RBCK1: variants seen among roughly 807,000 people sequenced by gnomAD.
RBCK1 encodes the protein ranBP-type and C3HC4-type zinc finger-containing protein 1.
A neutral mutation model predicts 71.1 loss-of-function variants in RBCK1; 44 were observed. The observed-to-expected ratio is 0.62, with a 90% CI of 0.49 to 0.80. The LOEUF is 0.80. RBCK1 is among the 30% of genes least tolerant of loss of function. The pLI is 0.00. For missense variants in RBCK1, 569 were observed against 685.0 expected (o/e 0.83, Z 1.89); for synonymous variants, 306 against 279.7 (o/e 1.09, Z -0.94).
At chr20:423,737 T>C (rs578035608) in intron 8 of RBCK1, among the ~76,000 whole-genome samples, 41 of 152,306 alleles carry the variant, frequency 2.7e-4, no homozygotes, top group Non-Finnish European at 5.3e-4. Flanking sequence ...TACCGAGGGA[T>C]GACTATAATT....
At position 431,422 on chromosome 20, in the gene RBCK1, T is replaced by A. The variant is rs2017011257; in HGVS notation, c.*992T>A. On this transcript the variant is annotated 3_prime_UTR_variant, in exon 12 of 12. Coordinates refer to ENST00000356286, the MANE Select transcript of RBCK1 (RefSeq NM_031229.4). The surrounding 1 kb of genome is among the most constrained non-coding windows in gnomAD (Gnocchi z 4.8). ...TTCAGCAGTATTTACTAGAACCCACTCTGTGCTGGTCGGAGGTTACTAAGA... is the reference window on the plus strand; with the variant it reads ...TTCAGCAGTATTTACTAGAACCCACACTGTGCTGGTCGGAGGTTACTAAGA... Among the ~76,000 whole-genome samples the A allele has an allele frequency of 6.6e-6, 1 of 152,192 alleles. No homozygotes were observed. Among genetic ancestry groups the A allele is most frequent in the Admixed American group, 6.5e-5 (1 of 15,286 alleles).
chr20:429,645 G>A lies in RBCK1; in HGVS notation c.1452+551G>A, dbSNP rs570820620. Reference sequence around the variant, plus strand: ...AGGTAAAGTGCTTTGGAGCACAGCCGTGTTCATTCATTCACATGTTGGCTG... The same window carrying A: ...AGGTAAAGTGCTTTGGAGCACAGCCATGTTCATTCATTCACATGTTGGCTG... On this transcript the variant is annotated intron_variant, in intron 11 of 11. Coordinates refer to ENST00000356286, the MANE Select transcript of RBCK1 (RefSeq NM_031229.4). 5.3e-5 allele frequency among the ~76,000 whole-genome samples: 8 copies of A among 152,326 alleles called. No homozygotes were observed. The South Asian group carries it at 8.3e-4, about 16-fold the overall frequency.
chr20:417,825 G>A lies in RBCK1; in HGVS notation c.355G>A (p.Val119Met). The A allele has an allele frequency of 2.5e-6, 4 of 1,614,062 alleles. No individual in the cohort carries two copies. Among genetic ancestry groups the A allele is most frequent in the Non-Finnish European group, 3.4e-6 (4 of 1,179,998 alleles). ...RDQETLHSHG[V>M]RQNGDSAYLY... ...CCAGGAGACCCTGCACTCCCATGGG[G>A]TGCGGCAGAATGGGGACAGTGCCTA... is the stretch of plus-strand genomic sequence containing the variant. Residue 119 changes from valine (V) to methionine (M), a missense_variant, in exon 4 of 12, where the codon GTG (valine) becomes ATG (methionine). Transcript: ENST00000356286. The surrounding 1 kb of genome is among the most constrained non-coding windows in gnomAD (Gnocchi z 4.7).
chr20:414,090 A>AT (rs1203708775), intron 2 of RBCK1, among the ~76,000 whole-genome samples: 1 of 121,134 alleles, frequency 8.3e-6, no homozygotes, highest in Non-Finnish European at 2.0e-5. Context: ...TGTGGTTCAT[A>AT]CAAAAAAAAA....
chr20:430,613 A>G lies in RBCK1; in HGVS notation c.*183A>G, dbSNP rs2016971310. 3.1e-6 allele frequency: 2 copies of G among 638,256 alleles called. No individual in the cohort carries two copies. Among genetic ancestry groups the G allele is most frequent in the Non-Finnish European group, 5.5e-6 (2 of 362,502 alleles). 39.5% of individuals were successfully genotyped at this position (638,256 alleles called of 1,614,324 possible). ...GTCCTTCCCTTGGGGCTTGCCGGCC[A>G]GACTTCTCTCCCCTGCGGCTCCCAC... is the stretch of plus-strand genomic sequence containing the variant. On this transcript the variant is annotated 3_prime_UTR_variant, in exon 12 of 12. Transcript: ENST00000356286. This position sits in a 1 kb window ranked among gnomAD's most constrained non-coding sequence, Gnocchi z 5.6.
chr20:419,672 G>A lies in RBCK1; in HGVS notation c.697G>A (p.Asp233Asn), dbSNP rs1056596650. The A allele has an allele frequency of 3.2e-6, 5 of 1,580,820 alleles. No individual in the cohort carries two copies. Among genetic ancestry groups the A allele is most frequent in the Admixed American group, 1.8e-5 (1 of 56,080 alleles). ...CCAGGTCCCCGCCTCATACCAGCCC[G>A]ACGAGGAGGAGCGAGCGCGCCTGGC... ...AYQVPASYQPDEEERARLAGE... is the reference protein window; with the variant it reads ...AYQVPASYQPNEEERARLAGE... Residue 233 changes from aspartate to asparagine, a missense_variant, in exon 6 of 12, where the codon GAC becomes AAC. Coordinates refer to ENST00000356286, the MANE Select transcript of RBCK1 (RefSeq NM_031229.4).
At chr20:420,635 A>T (rs1365569521) in intron 6 of RBCK1, 1 of 801,164 alleles carries the variant, frequency 1.2e-6, no homozygotes, top group Non-Finnish European at 1.4e-6. Flanking sequence ...CCTCACTCCC[A>T]GCCCCGCCCC....
chr20:430,836 A>C lies in RBCK1; in HGVS notation c.*406A>C. On this transcript the variant is annotated 3_prime_UTR_variant, in exon 12 of 12. Transcript: ENST00000356286. This position sits in a 1 kb window ranked among gnomAD's most constrained non-coding sequence, Gnocchi z 5.6. The stretch of plus-strand genomic sequence containing the variant: ...GGTTGGAGGCCTGAGGCCTCTTGGA[A>C]CTCTTGCTAACCTGTTCAGAGCCAG... The C allele has an allele frequency of 4.6e-6, 1 of 219,556 alleles. No individual in the cohort carries two copies. The highest frequency in any genetic ancestry group is 9.2e-6 in the Non-Finnish European group (1 of 108,754). 13.6% of individuals were successfully genotyped at this position (219,556 alleles called of 1,614,324 possible).
At position 417,544 on chromosome 20, in the gene RBCK1, G is replaced by A. The variant is rs2016069273; in HGVS notation, c.186G>A (p.Glu62=). The A allele has an allele frequency of 1.9e-6, 3 of 1,613,580 alleles. No homozygotes were observed. Among genetic ancestry groups the A allele is most frequent in the East Asian group, 2.2e-5 (1 of 44,902 alleles). The change falls in exon 3 of 12, where the codon GAG becomes GAA. Residue 62 remains glutamate (E), a synonymous_variant. Transcript: ENST00000356286. This position sits in a 1 kb window ranked among gnomAD's most constrained non-coding sequence, Gnocchi z 4.7. ...TCTGCAGGCTGTGGGTGAGCGTGGA[G>A]GATGCTCAGATGCACACCGTCACCA... ...TQDIRLWVSV[E]DAQMHTVTIW... is the part of the protein sequence containing the mutation.
Position 421,034 on chromosome 20 carries a change from G to A in RBCK1, c.917+3G>A, listed in dbSNP as rs1404922024. The A allele has an allele frequency of 1.3e-6, 2 of 1,543,858 alleles. No individual in the cohort carries two copies. The highest frequency in any genetic ancestry group is 1.2e-5 in the South Asian group (1 of 84,188). On this transcript the variant is annotated splice_donor_region_variant and intron_variant, in intron 7 of 11. Coordinates refer to ENST00000356286, the MANE Select transcript of RBCK1 (RefSeq NM_031229.4). ...GAGTGTCTGCACACCTTCTGCAGGT[G>A]CGGCCCCCAGTCCCACCCCCGGCAA...
chr20:426,804 ACTTTT>A (rs1186156054), intron 8 of RBCK1, among the ~76,000 whole-genome samples: 1 of 68,068 alleles, frequency 1.5e-5, no homozygotes, highest in Non-Finnish European at 3.5e-5. Flanking sequence ...CTTTCTTTTT[ACTTTT>A]CTTTTCCTTT....
At chr20:420,825 CCCCCGAGGCCCTGACCCG>C (rs2016372860) in intron 6 of RBCK1, 28 bp from the exon 7 acceptor site, 1 of 1,519,052 alleles carries the variant, frequency 6.6e-7, no homozygotes, top group South Asian at 1.2e-5. Context: ...GTCTGACCCG[CCCCCGAGGCCCTGACCCG>C]CCCCGTGGCC....
Position 427,495 on chromosome 20 carries a change from G to C in RBCK1, c.1209+3G>C, listed in dbSNP as rs755142186. 19 of 1,612,272 alleles carry C rather than the reference G, an allele frequency of 1.2e-5. No individual in the cohort carries two copies. Among genetic ancestry groups the C allele is most frequent in the Non-Finnish European group, 1.5e-5 (18 of 1,179,712 alleles). ...ACGTCAACTGCCTGCTCTGCAAGGT[G>C]GGGCCTGCAGGGACTCCCCCCACCT... On this transcript the variant is annotated splice_donor_region_variant and intron_variant, in intron 9 of 11. Coordinates refer to ENST00000356286, the MANE Select transcript of RBCK1 (RefSeq NM_031229.4).
At position 430,064 on chromosome 20, in the gene RBCK1, A is replaced by G. The variant is rs2016939593; in HGVS notation, c.1453-286A>G. On this transcript the variant is annotated intron_variant, in intron 11 of 11. Coordinates refer to ENST00000356286, the MANE Select transcript of RBCK1 (RefSeq NM_031229.4). This position sits in a 1 kb window ranked among gnomAD's most constrained non-coding sequence, Gnocchi z 5.6. ...TTGCTACGTTCAGGTAGACTTTCAG[A>G]CAGGTGGAGGCAGAGGAAACTGCCC... 6.6e-6 allele frequency among the ~76,000 whole-genome samples: 1 copy of G among 152,202 alleles called. No individual in the cohort carries two copies. Among genetic ancestry groups the G allele is most frequent in the African/African-American group, 2.4e-5 (1 of 41,450 alleles).
chr20:414,973 G>A lies in RBCK1; in HGVS notation c.168-2553G>A, dbSNP rs530677897. The stretch of plus-strand genomic sequence containing the variant: ...TCTGTCAATTCATTGATAGTTGACT[G>A]GGTATTCAAATTGTTTACCTGAAGA... On this transcript the variant is annotated intron_variant, in intron 2 of 11. Coordinates refer to ENST00000356286, the MANE Select transcript of RBCK1 (RefSeq NM_031229.4). 3.3e-5 allele frequency among the ~76,000 whole-genome samples: 5 copies of A among 152,298 alleles called. No homozygotes were observed. The East Asian group carries it at 7.7e-4, about 23-fold the overall frequency.
rs950155768 is a variant in RBCK1, at chr20:417,442, T to C, written c.168-84T>C. On this transcript the variant is annotated intron_variant, in intron 2 of 11. Coordinates refer to ENST00000356286, the MANE Select transcript of RBCK1 (RefSeq NM_031229.4). This position sits in a 1 kb window ranked among gnomAD's most constrained non-coding sequence, Gnocchi z 4.7. ...GTGTGTGCATGGCCATGTGCCTGTGTGCAAATATGTACATGTCTGTAGCCG... is the reference window on the plus strand; with the variant it reads ...GTGTGTGCATGGCCATGTGCCTGTGCGCAAATATGTACATGTCTGTAGCCG... 9.3e-6 allele frequency: 11 copies of C among 1,183,960 alleles called. No homozygotes were observed. Among genetic ancestry groups the C allele is most frequent in the Non-Finnish European group, 1.4e-5 (11 of 792,340 alleles). 73.3% of individuals were successfully genotyped at this position (1,183,960 alleles called of 1,614,324 possible). A position where few individuals can be genotyped will look rare whatever the true frequency, so the allele number is the denominator to read the frequency against.
chr20:420,420 C>T (rs1285052737), intron 6 of RBCK1: 2 of 984,552 alleles, frequency 2.0e-6, no homozygotes, highest in African/African-American at 3.5e-5. Flanking sequence ...ACTCCTGTTC[C>T]CGTCTCAGCT....
chr20:418,426 T>G (rs1015184772), intron 4 of RBCK1, among the ~76,000 whole-genome samples: 2 of 152,140 alleles, frequency 1.3e-5, no homozygotes, highest in Non-Finnish European at 2.9e-5. Flanking sequence ...TGGAGTGCAG[T>G]GGCACAATCT....
rs998239215 is a variant in RBCK1, at chr20:424,635, C to T, written c.1029+2397C>T. Among the ~76,000 whole-genome samples, 4 of 152,210 alleles carry T rather than the reference C, an allele frequency of 2.6e-5. No homozygotes were observed. In the East Asian group the frequency reaches 7.7e-4, roughly 29 times the overall value. ...CTGGGTGGTTGCTGAGGCTCCTTCG[C>T]TCTGGCCTGGAGAGACCTCATGACC... On this transcript the variant is annotated intron_variant, in intron 8 of 11. Coordinates refer to ENST00000356286, the MANE Select transcript of RBCK1 (RefSeq NM_031229.4).
Sources: gnomAD v4.1 joint callset for allele counts (sites outside exome capture counted in the v4.1 genomes callset) on GRCh38, gnomAD v4.1.1 for gene constraint, Gnocchi (gnomAD v3.1) non-coding constraint, MANE v1.5 for transcripts, NCBI Gene and HGNC (gene_info 2026-07-23, HGNC 2026-07-21) for gene names.